CADM2: variants seen among roughly 807,000 people sequenced by gnomAD.
The protein encoded by CADM2 is immunoglobulin superfamily member 4D.
A neutral mutation model predicts 49.8 loss-of-function variants in CADM2; 12 were observed. The observed-to-expected ratio is 0.24, with a 90% CI of 0.15 to 0.39. CADM2 has a LOEUF of 0.39. Among genes scored for constraint, CADM2 ranks in the 10% least tolerant of loss-of-function variants. The pLI, the probability that CADM2 is intolerant of heterozygous loss-of-function variation, is 1.00. For missense variants in CADM2, 378 were observed against 492.3 expected, an observed-to-expected ratio of 0.77 and a Z score of 2.20; for synonymous variants, 214 against 175.4, an observed-to-expected ratio of 1.22 and a Z score of -1.74.
chr3:85,351,762 G>A (rs1311452281), intron 1 of CADM2, among the ~76,000 whole-genome samples: 3 of 152,104 alleles, frequency 2.0e-5, no homozygotes, highest in Non-Finnish European at 2.9e-5. Flanking sequence ...TTTGAATAGT[G>A]TCATTTAAAA....
intron 1 of CADM2, among the ~76,000 whole-genome samples, chr3:85,160,184 C>T (rs762420244): frequency 2.6e-5 from 4 of 152,122 alleles, no homozygotes; most frequent in Admixed American, 6.6e-5. Flanking sequence ...TGAGGGTTTT[C>T]AGCATTTCCA....
At chr3:85,609,456 T>C (rs1229625936) in intron 1 of CADM2, among the ~76,000 whole-genome samples, 1 of 152,072 alleles carries the variant, frequency 6.6e-6, no homozygotes, top group African/African-American at 2.4e-5. Flanking sequence ...ACGTTCCTCA[T>C]TCTATACCGT....
intron 1 of CADM2, among the ~76,000 whole-genome samples, chr3:85,118,731 C>G (rs992381340): frequency 7.9e-5 from 12 of 152,000 alleles, no homozygotes; most frequent in Admixed American, 2.6e-4. Flanking sequence ...TTAATGTTGT[C>G]CATTTATTTA....
At chr3:85,405,978 A>T (rs1282163804) in intron 1 of CADM2, among the ~76,000 whole-genome samples, 1 of 151,970 alleles carries the variant, frequency 6.6e-6, no homozygotes, top group East Asian at 1.9e-4. Context: ...ATATGCGTGC[A>T]TATATATGGA....
intron 8 of CADM2, among the ~76,000 whole-genome samples, chr3:86,017,067 C>A (rs1458321607): frequency 6.6e-6 from 1 of 151,208 alleles, no homozygotes; most frequent in African/African-American, 2.4e-5. Context: ...TTGCTTTAAG[C>A]TTTTACAGAC....
chr3:85,660,123 G>A (rs2065353810), intron 1 of CADM2, among the ~76,000 whole-genome samples: 1 of 152,062 alleles, frequency 6.6e-6, no homozygotes, highest in Admixed American at 6.6e-5. Flanking sequence ...TCATGTGAAT[G>A]TTTCTAGGGC....
intron 1 of CADM2, among the ~76,000 whole-genome samples, chr3:85,626,090 A>C (rs1204769139): frequency 1.3e-5 from 2 of 151,990 alleles, no homozygotes; most frequent in Non-Finnish European, 2.9e-5. Flanking sequence ...GGCACTTAGA[A>C]ATTAGTAATT....
At chr3:85,000,722 T>C (rs1050657659) in intron 1 of CADM2, among the ~76,000 whole-genome samples, 7 of 152,060 alleles carry the variant, frequency 4.6e-5, no homozygotes, top group Non-Finnish European at 1.0e-4. Context: ...TTTCAAATAC[T>C]TTTTTGAAAC....
intron 1 of CADM2, among the ~76,000 whole-genome samples, chr3:85,547,427 C>T (rs1425408550): frequency 2.6e-5 from 4 of 152,110 alleles, no homozygotes; most frequent in African/African-American, 9.7e-5. Context: ...TGAAAATCCA[C>T]TTGCAACATT....
chr3:85,397,014 C>A (rs1420712793), intron 1 of CADM2, among the ~76,000 whole-genome samples: 1 of 151,918 alleles, frequency 6.6e-6, no homozygotes, highest in Non-Finnish European at 1.5e-5. Flanking sequence ...AAATATCTGA[C>A]AAGAGATTAA....
At chr3:85,527,827 C>A (rs1559887831) in intron 1 of CADM2, among the ~76,000 whole-genome samples, 1 of 152,188 alleles carries the variant, frequency 6.6e-6, no homozygotes, top group African/African-American at 2.4e-5. Context: ...TTTGCATTAA[C>A]AATACTCTGA....
At chr3:85,792,650 C>T (rs1036103006) in intron 2 of CADM2, among the ~76,000 whole-genome samples, 1 of 152,190 alleles carries the variant, frequency 6.6e-6, no homozygotes, top group African/African-American at 2.4e-5. Flanking sequence ...TGATCCACTG[C>T]TATGGCCACA....
chr3:86,052,967 TTAATGA>T (rs2107334416), intron 8 of CADM2, among the ~76,000 whole-genome samples: 1 of 152,256 alleles, frequency 6.6e-6, no homozygotes, highest in African/African-American at 2.4e-5. Flanking sequence ...CACTACATTC[TTAATGA>T]TAATAAGGTC....
intron 2 of CADM2, among the ~76,000 whole-genome samples, chr3:85,774,529 C>G (rs1299861874): frequency 6.6e-6 from 1 of 151,082 alleles, no homozygotes; most frequent in African/African-American, 2.4e-5. Flanking sequence ...ATTTTATTAC[C>G]TTTTTTGCAA....
chr3:85,509,073 G>A (rs560360936), intron 1 of CADM2, among the ~76,000 whole-genome samples: 6 of 152,262 alleles, frequency 3.9e-5, no homozygotes, highest in Non-Finnish European at 8.8e-5. Context: ...GATCTCCAAA[G>A]TAACCTGAAA....
rs556887039 is a variant in CADM2, at chr3:85,375,718, A to G, written c.62-350804A>G. Among the ~76,000 whole-genome samples the G allele has an allele frequency of 1.4e-3, 215 of 152,306 alleles. 2 individuals are homozygous for G. The highest frequency in any genetic ancestry group is 5.0e-3 in the African/African-American group (209 of 41,574). ...TTTCTTGTGTATTAAAAATTAATGT[A>G]CAAAGTGTTCTCTTCCATTGATTTA... is the stretch of plus-strand genomic sequence containing the variant. On this transcript the variant is annotated intron_variant, in intron 1 of 9. Transcript: ENST00000383699.
intron 1 of CADM2, among the ~76,000 whole-genome samples, chr3:85,576,617 A>G (rs1271951608): frequency 6.6e-6 from 1 of 152,214 alleles, no homozygotes; most frequent in Non-Finnish European, 1.5e-5. Flanking sequence ...CTTTTATAAA[A>G]TCATAGCGAT....
intron 1 of CADM2, among the ~76,000 whole-genome samples, chr3:85,170,140 T>C (rs535416147): frequency 3.4e-3 from 520 of 152,288 alleles, no homozygotes; most frequent in Non-Finnish European, 4.9e-3. Flanking sequence ...TTTATTCAGC[T>C]GTCCTCTGCT....
At chr3:85,753,782 C>G (rs62261700) in intron 2 of CADM2, among the ~76,000 whole-genome samples, 47,645 of 151,914 alleles carry the variant, frequency 0.31, 8,001 homozygotes, top group East Asian at 0.67. Context: ...AACTCGTATG[C>G]GTCTGCAGCA....
Sources: gnomAD v4.1 joint callset for allele counts (sites outside exome capture counted in the v4.1 genomes callset) on GRCh38, gnomAD v4.1.1 for gene constraint, MANE v1.5 for transcripts, NCBI Gene and HGNC (gene_info 2026-07-23, HGNC 2026-07-21) for gene names.